ELAPOR1: variants seen among roughly 807,000 people sequenced by gnomAD.
ELAPOR1 encodes the protein endosome-lysosome associated apoptosis and autophagy regulator 1, also known as endosome/lysosome-associated apoptosis and autophagy regulator 1.
Under a neutral mutation model 119.7 loss-of-function variants are expected in ELAPOR1, and 77 were observed. The ratio of observed to expected loss-of-function variants is 0.64; its 90% confidence interval spans 0.54 to 0.78. The LOEUF (loss-of-function observed/expected upper bound fraction) is 0.78. Ranked by LOEUF, ELAPOR1 falls within the 30% of genes least tolerant of loss-of-function variation. The pLI is 0.00. For missense variants in ELAPOR1, 1,115 were observed against 1,270.4 expected, an observed-to-expected ratio of 0.88 and a Z score of 1.86; for synonymous variants, 481 against 487.2, an observed-to-expected ratio of 0.99 and a Z score of 0.17.
At chr1:109,172,116 A>C in intron 4 of ELAPOR1, 103 bp downstream of exon 4, 1 of 1,413,752 alleles carries the variant, frequency 7.1e-7, no homozygotes, top group African/African-American at 1.4e-5. Context: ...TGGGGGAATC[A>C]CTGTTGTTTT....
intron 21 of ELAPOR1, chr1:109,201,273 T>C (rs1035492699): frequency 4.4e-6 from 2 of 455,482 alleles, no homozygotes; most frequent in Admixed American, 2.4e-5. Context: ...CAACTTCTGA[T>C]AGAAGTCAGG....
At chr1:109,188,658 A>C (rs371093342) in intron 9 of ELAPOR1, among the ~76,000 whole-genome samples, 26 of 152,296 alleles carry the variant, frequency 1.7e-4, no homozygotes, top group African/African-American at 6.3e-4. Flanking sequence ...GATGCTGACT[A>C]GGCTTACAGG....
intron 11 of ELAPOR1, among the ~76,000 whole-genome samples, chr1:109,190,178 T>C (rs1557695917): frequency 6.6e-6 from 1 of 151,910 alleles, no homozygotes; most frequent in African/African-American, 2.4e-5. Context: ...TGTGGTGTGG[T>C]GGAAGGAACA....
chr1:109,158,009 T>G (rs1650987908), intron 1 of ELAPOR1, among the ~76,000 whole-genome samples: 1 of 152,178 alleles, frequency 6.6e-6, no homozygotes, highest in African/African-American at 2.4e-5. Flanking sequence ...CACCTTGGCC[T>G]GCTGAGTGGC....
In ELAPOR1 at chr1:109,173,678, T is replaced by C. The variant is rs763173417; in HGVS notation, c.803-10T>C. On this transcript the variant is annotated splice_polypyrimidine_tract_variant and intron_variant, in intron 6 of 21. Coordinates refer to ENST00000369939, the MANE Select transcript of ELAPOR1 (RefSeq NM_020775.5). ...AATCCTTGCTTTTCTGTGCTCTTCC[T>C]CCTCCCTAGGGGTGGCCTACACTTC... 3 of 1,613,606 alleles carry C rather than the reference T, an allele frequency of 1.9e-6. No individual in the cohort carries two copies. The South Asian group carries it at 3.3e-5, about 18-fold the overall frequency.
rs755575666 is a variant in ELAPOR1, at chr1:109,189,026, C to G, written c.1220-40C>G. The stretch of plus-strand genomic sequence containing the variant: ...CAGCTCCAGTCAGAGTGACTGCAGC[C>G]TTCCCACTGAATGCATGGATCTTGT... On this transcript the variant is annotated intron_variant, in intron 9 of 21. Coordinates refer to ENST00000369939, the MANE Select transcript of ELAPOR1 (RefSeq NM_020775.5). 41 of 1,607,120 alleles carry G rather than the reference C, an allele frequency of 2.6e-5. No individual in the cohort carries two copies. The East Asian group carries it at 9.2e-4, about 36-fold the overall frequency.
intron 1 of ELAPOR1, among the ~76,000 whole-genome samples, chr1:109,143,249 C>G (rs1218201332): frequency 6.6e-6 from 1 of 152,174 alleles, no homozygotes; most frequent in East Asian, 1.9e-4. Context: ...CATGCCTGGC[C>G]CATACAATGG....
intron 1 of ELAPOR1, among the ~76,000 whole-genome samples, chr1:109,117,963 A>T (rs1570591679): frequency 6.6e-6 from 1 of 152,070 alleles, no homozygotes; most frequent in African/African-American, 2.4e-5. Flanking sequence ...CCCTGTCTCT[A>T]CTAAAAATAC....
chr1:109,174,769 G>A (rs1182604825), intron 7 of ELAPOR1, among the ~76,000 whole-genome samples: 1 of 151,840 alleles, frequency 6.6e-6, no homozygotes, highest in African/African-American at 2.4e-5. Flanking sequence ...AGGCTGGAGT[G>A]CAGTGGCGCG....
chr1:109,125,106 T>A (rs2100968205), intron 1 of ELAPOR1, among the ~76,000 whole-genome samples: 1 of 152,222 alleles, frequency 6.6e-6, no homozygotes, highest in African/African-American at 2.4e-5. Flanking sequence ...TTTTTGTATT[T>A]TTAGTAGAGA....
At chr1:109,118,681 G>A (rs1648185230) in intron 1 of ELAPOR1, among the ~76,000 whole-genome samples, 1 of 152,048 alleles carries the variant, frequency 6.6e-6, no homozygotes, top group East Asian at 1.9e-4. Context: ...GGCGGGTCAA[G>A]GATTTTTGTA....
chr1:109,156,761 C>T (rs1335867582), intron 1 of ELAPOR1, among the ~76,000 whole-genome samples: 1 of 151,326 alleles, frequency 6.6e-6, no homozygotes, highest in Non-Finnish European at 1.5e-5. Context: ...ACTTGAGGTC[C>T]CTGCTCAGTG....
At chr1:109,187,889 T>C (rs116416309) in intron 8 of ELAPOR1, 119,552 of 1,125,754 alleles carry the variant, frequency 0.11, 6,720 homozygotes, top group Middle Eastern at 0.11. Flanking sequence ...CGGAGCTTTC[T>C]CTAAGACAAC....
intron 7 of ELAPOR1, among the ~76,000 whole-genome samples, chr1:109,175,058 C>T (rs184888905): frequency 1.8e-4 from 27 of 152,192 alleles, no homozygotes; most frequent in African/African-American, 6.3e-4. Context: ...CACGGTCTCA[C>T]TGTGTTGCCC....
rs1340961795 is a variant in ELAPOR1 at position 109,164,349 on chromosome 1, A to G, written c.275-150A>G. On this transcript the variant is annotated intron_variant, in intron 2 of 21. Coordinates refer to ENST00000369939, the MANE Select transcript of ELAPOR1 (RefSeq NM_020775.5). Reference sequence around the variant, plus strand: ...ATTTTTTTAAGAAAAATAAAATCAAATCACACAGTAAATGCCATGGCCCTA... The same window carrying G: ...ATTTTTTTAAGAAAAATAAAATCAAGTCACACAGTAAATGCCATGGCCCTA... 5.0e-6 allele frequency: 3 copies of G among 599,140 alleles called. No homozygotes were observed. In the East Asian group the frequency reaches 8.7e-5, roughly 17 times the overall value. 37.1% of individuals were successfully genotyped at this position (599,140 alleles called of 1,614,324 possible).
chr1:109,196,519 T>C (rs1332476942), intron 15 of ELAPOR1, among the ~76,000 whole-genome samples: 1 of 152,184 alleles, frequency 6.6e-6, no homozygotes, highest in East Asian at 1.9e-4. Context: ...TTTTATCTAC[T>C]CCTTTCCTGT....
At chr1:109,119,633 C>T (rs564655532) in intron 1 of ELAPOR1, among the ~76,000 whole-genome samples, 14 of 152,128 alleles carry the variant, frequency 9.2e-5, no homozygotes, top group South Asian at 4.2e-4. Flanking sequence ...AACTCATCTA[C>T]GTTATTGTAT....
chr1:109,138,728 T>C (rs1173143030), intron 1 of ELAPOR1, among the ~76,000 whole-genome samples: 1 of 150,566 alleles, frequency 6.6e-6, no homozygotes, highest in East Asian at 2.0e-4. Flanking sequence ...CTTCTCCCCA[T>C]AGTCCCAGCT....
intron 3 of ELAPOR1, among the ~76,000 whole-genome samples, chr1:109,168,210 C>T (rs1651710730): frequency 6.6e-6 from 1 of 152,180 alleles, no homozygotes; most frequent in African/African-American, 2.4e-5. Flanking sequence ...AAATCCCTTC[C>T]TCAAAGAAAC....
Sources: gnomAD v4.1 joint callset for allele counts (sites outside exome capture counted in the v4.1 genomes callset) on GRCh38, gnomAD v4.1.1 for gene constraint, MANE v1.5 for transcripts, NCBI Gene and HGNC (gene_info 2026-07-23, HGNC 2026-07-21) for gene names.